The following TSPAN14 variants were observed in gnomAD, a reference collection of about 807,000 sequenced individuals.
TSPAN14 encodes tetraspanin 14, also known as tetraspanin-14.
A neutral mutation model predicts 36.6 loss-of-function variants in TSPAN14; 16 were observed. The observed-to-expected ratio is 0.44, with a 90% CI of 0.30 to 0.66. The LOEUF (loss-of-function observed/expected upper bound fraction) is 0.66, where lower values mean the gene tolerates loss of function less well. Among genes scored for constraint, TSPAN14 ranks in the 30% least tolerant of loss-of-function variants. TSPAN14 has a pLI of 0.12. For missense variants in TSPAN14, 231 were observed against 355.1 expected (o/e 0.65, Z 2.81); for synonymous variants, 139 against 143.8 (o/e 0.97, Z 0.24).
intron 2 of TSPAN14, 34 bp downstream of exon 2, chr10:80,489,348 T>C (rs1847800575): frequency 7.4e-7 from 1 of 1,352,214 alleles, no homozygotes; most frequent in African/African-American, 1.4e-5. Flanking sequence ...TTCCCTTGTT[T>C]AGTCCTTCAT....
chr10:80,476,409 GTTTTTT>G (rs60589813), intron 1 of TSPAN14, among the ~76,000 whole-genome samples: 5,467 of 85,528 alleles, frequency 0.064, 166 homozygotes, highest in East Asian at 0.17. Context: ...TTGTTTTACT[GTTTTTT>G]TTTTTTTTTT....
chr10:80,457,841 C>T (rs1845801435), intron 1 of TSPAN14, among the ~76,000 whole-genome samples: 1 of 152,214 alleles, frequency 6.6e-6, no homozygotes, highest in Non-Finnish European at 1.5e-5. Flanking sequence ...CTTAAAGCAA[C>T]AGAGGTTTAT....
chr10:80,477,078 C>T (rs1564719014), intron 1 of TSPAN14, among the ~76,000 whole-genome samples: 1 of 152,222 alleles, frequency 6.6e-6, no homozygotes, highest in Non-Finnish European at 1.5e-5. Flanking sequence ...CACTGGTCCT[C>T]GCATGTGGCC....
chr10:80,512,118 A>C, intron 5 of TSPAN14, 26 bp from the exon 6 acceptor site: 1 of 1,613,968 alleles, frequency 6.2e-7, no homozygotes, highest in Non-Finnish European at 8.5e-7. Context: ...TGGAGCCCCT[A>C]ACAGTTCTGG....
chr10:80,482,700 T>G (rs1173545938), intron 1 of TSPAN14, among the ~76,000 whole-genome samples: 4 of 150,594 alleles, frequency 2.7e-5, no homozygotes, highest in African/African-American at 1.0e-4. Flanking sequence ...CCTTGTTTAG[T>G]GGTTTCTCAT....
At chr10:80,498,202 T>C (rs1848301185) in intron 2 of TSPAN14, among the ~76,000 whole-genome samples, 1 of 152,222 alleles carries the variant, frequency 6.6e-6, no homozygotes, top group Admixed American at 6.5e-5. Flanking sequence ...TGTTGTTTCC[T>C]GAATGCCCCA....
At chr10:80,517,383 C>T (rs999945709) in intron 8 of TSPAN14, among the ~76,000 whole-genome samples, 4 of 152,240 alleles carry the variant, frequency 2.6e-5, no homozygotes, top group Non-Finnish European at 4.4e-5. Flanking sequence ...CATCTGTTCA[C>T]GTTAGAAGAA....
At chr10:80,461,620 G>T (rs994329424) in intron 1 of TSPAN14, among the ~76,000 whole-genome samples, 40 of 152,082 alleles carry the variant, frequency 2.6e-4, no homozygotes, top group Admixed American at 7.9e-4. Context: ...GGCAGGTTTA[G>T]TTGAGGGCTC....
At chr10:80,518,114 CT>C in exon 9 of TSPAN14, 2 of 883,412 alleles carry the variant, frequency 2.3e-6, no homozygotes, top group Non-Finnish European at 3.5e-6. Flanking sequence ...GTGACGTGAC[CT>C]CTCTGTTTCT....
intron 1 of TSPAN14, among the ~76,000 whole-genome samples, chr10:80,469,137 T>C (rs1400015611): frequency 6.6e-6 from 1 of 150,826 alleles, no homozygotes; most frequent in African/African-American, 2.4e-5. Flanking sequence ...GGTGAGGTTA[T>C]CTTTGGGGCA....
At chr10:80,461,154 G>C (rs563331823) in intron 1 of TSPAN14, among the ~76,000 whole-genome samples, 1 of 152,250 alleles carries the variant, frequency 6.6e-6, no homozygotes, top group Admixed American at 6.5e-5. Context: ...TACTTGATCA[G>C]ACTCTGCCTC....
chr10:80,508,414 G>A (rs180683380), intron 4 of TSPAN14, among the ~76,000 whole-genome samples: 30 of 152,226 alleles, frequency 2.0e-4, no homozygotes, highest in Non-Finnish European at 3.2e-4. Flanking sequence ...CACCGCGCCC[G>A]GCCGTGTGTA....
intron 2 of TSPAN14, 82 bp downstream of exon 2, chr10:80,489,396 C>T (rs1180250823): frequency 3.0e-6 from 3 of 1,009,992 alleles, no homozygotes; most frequent in African/African-American, 1.6e-5. Context: ...CTTGATTTGC[C>T]AGACACTATG....
intron 1 of TSPAN14, among the ~76,000 whole-genome samples, chr10:80,454,820 C>G (rs957873683): frequency 1.3e-5 from 2 of 152,154 alleles, no homozygotes; most frequent in Admixed American, 6.5e-5. Flanking sequence ...GTCACCCACC[C>G]TCGGCTCCCA....
chr10:80,472,547 A>G (rs1846614051), intron 1 of TSPAN14, among the ~76,000 whole-genome samples: 1 of 152,236 alleles, frequency 6.6e-6, no homozygotes, highest in Admixed American at 6.5e-5. Flanking sequence ...CATCAAACTC[A>G]TGACTGGTTT....
Position 80,467,468 on chromosome 10 carries a change from C to T in TSPAN14, c.-18+13097C>T, listed in dbSNP as rs116595442. On this transcript the variant is annotated intron_variant, in intron 1 of 8. Transcript: ENST00000429989. ...CTGGGTGACCTTGGTGGGTCACTTC[C>T]TGGGGTGTAGATTCTTACTAGAAAA... Among the ~76,000 whole-genome samples, 809 of 152,272 alleles carry T rather than the reference C, an allele frequency of 5.3e-3. 5 individuals are homozygous for T. Among genetic ancestry groups the T allele is most frequent in the African/African-American group, 0.019 (769 of 41,542 alleles).
intron 1 of TSPAN14, among the ~76,000 whole-genome samples, chr10:80,455,337 G>T (rs573500460): frequency 2.0e-5 from 3 of 152,156 alleles, no homozygotes; most frequent in Non-Finnish European, 4.4e-5. Context: ...TCACACACTC[G>T]TTGGCTGTGC....
intron 1 of TSPAN14, among the ~76,000 whole-genome samples, chr10:80,476,207 TA>T (rs1256281577): frequency 2.6e-5 from 4 of 151,588 alleles, no homozygotes; most frequent in Non-Finnish European, 5.9e-5. Flanking sequence ...CCCTGTCTCT[TA>T]AAAAAAATTT....
intron 6 of TSPAN14, among the ~76,000 whole-genome samples, chr10:80,513,600 T>C (rs1284069049): frequency 6.6e-6 from 1 of 152,252 alleles, no homozygotes; most frequent in East Asian, 1.9e-4. Flanking sequence ...GGCTTGCTAT[T>C]TTTCCATGAC....
Sources: gnomAD v4.1 joint callset for allele counts (sites outside exome capture counted in the v4.1 genomes callset) on GRCh38, gnomAD v4.1.1 for gene constraint, MANE v1.5 for transcripts, NCBI Gene and HGNC (gene_info 2026-07-23, HGNC 2026-07-21) for gene names.